Variants in LRRC61 observed in about 807,000 individuals in gnomAD.
LRRC61 encodes the protein leucine-rich repeat-containing protein 61.
A neutral mutation model predicts 15.1 loss-of-function variants in LRRC61; 9 were observed. The ratio of observed to expected loss-of-function variants is 0.60; its 90% confidence interval spans 0.36 to 1.04. The LOEUF is 1.04. Among genes scored for constraint, LRRC61 ranks in the 50% least tolerant of loss-of-function variants. The pLI is 0.01. For missense variants in LRRC61, 344 were observed against 335.6 expected (o/e 1.03, Z -0.20); for synonymous variants, 173 against 158.6 (o/e 1.09, Z -0.68).
chr7:150,324,769 A>G (rs1417320356), intron 1 of LRRC61, among the ~76,000 whole-genome samples: 1 of 151,806 alleles, frequency 6.6e-6, no homozygotes, highest in Non-Finnish European at 1.5e-5. Flanking sequence ...TTCCCAGGTC[A>G]CCTTCTCTCT....
intron 2 of LRRC61, among the ~76,000 whole-genome samples, chr7:150,329,621 G>A (rs1327384497): frequency 6.6e-6 from 1 of 152,226 alleles, no homozygotes; most frequent in East Asian, 1.9e-4. Flanking sequence ...CCCTCAGAAG[G>A]TAGTGGCTGT....
intron 2 of LRRC61, chr7:150,332,033 C>T (rs1217786730): frequency 1.2e-5 from 2 of 167,086 alleles, no homozygotes; most frequent in African/African-American, 4.8e-5. Context: ...GGGTTTCTTC[C>T]TCCAGTGACA....
At position 150,323,414 on chromosome 7, in the gene LRRC61, G is replaced by A; in HGVS notation, c.-461G>A. On this transcript the variant is annotated 5_prime_UTR_variant, in exon 1 of 3. Coordinates refer to ENST00000359623, the MANE Select transcript of LRRC61 (RefSeq NM_001142928.2). ...GGCCAACAAGTTGGGTGGTGGGCACGCGGCCCAGGGGTCAGGGGCCGCCAG... is the reference window on the plus strand; with the variant it reads ...GGCCAACAAGTTGGGTGGTGGGCACACGGCCCAGGGGTCAGGGGCCGCCAG... 3.3e-6 allele frequency: 1 copy of A among 306,602 alleles called. No homozygotes were observed. Among genetic ancestry groups the A allele is most frequent in the Non-Finnish European group, 6.2e-6 (1 of 160,162 alleles). The allele number at this position is 306,602 out of a possible 1,614,324, so 19.0% of individuals were successfully genotyped here. A position where few individuals can be genotyped will look rare whatever the true frequency, so the allele number is the denominator to read the frequency against.
At chr7:150,313,934 G>A in the LRRC61 span, among the ~76,000 whole-genome samples, 1 of 152,234 alleles carries the variant, frequency 6.6e-6, no homozygotes. Flanking sequence ...CTGTGAAGAA[G>A]ATGCACCTGG....
At chr7:150,336,593 G>T (rs928376444) in intron 2 of LRRC61, 125 bp from the exon 3 acceptor site, 12 of 532,798 alleles carry the variant, frequency 2.3e-5, no homozygotes, top group Non-Finnish European at 3.7e-5. Flanking sequence ...GTCCCAGCTT[G>T]GTCTTCAGGT....
the LRRC61 span, among the ~76,000 whole-genome samples, chr7:150,315,200 G>A: frequency 7.3e-5 from 11 of 150,454 alleles, no homozygotes; most frequent in African/African-American, 2.7e-4. Context: ...TCTCTAAAAG[G>A]ACACAAAAAG....
At chr7:150,309,745 C>T in the LRRC61 span, among the ~76,000 whole-genome samples, 2 of 152,202 alleles carry the variant, frequency 1.3e-5, no homozygotes, top group Non-Finnish European at 2.9e-5. Context: ...ATATCACAGC[C>T]ACTTCTAGGG....
chr7:150,316,148 G>C, the LRRC61 span, among the ~76,000 whole-genome samples: 1 of 152,190 alleles, frequency 6.6e-6, no homozygotes, highest in Admixed American at 6.5e-5. Context: ...AGTGAGCCGA[G>C]ATCACGCCAT....
At chr7:150,313,372 G>A in the LRRC61 span, among the ~76,000 whole-genome samples, 5 of 152,284 alleles carry the variant, frequency 3.3e-5, no homozygotes, top group East Asian at 1.9e-4. Context: ...ATTGGCAATC[G>A]GTTGAAAGGG....
At position 150,330,427 on chromosome 7, in the gene LRRC61, C is replaced by G. The variant is rs143518005; in HGVS notation, c.-145+4417C>G. 1.3e-6 allele frequency: 1 copy of G among 773,498 alleles called. No individual in the cohort carries two copies. The allele number at this position is 773,498 out of a possible 1,614,324, so 47.9% of individuals were successfully genotyped here. On this transcript the variant is annotated intron_variant, in intron 2 of 2. Transcript: ENST00000359623. The surrounding 1 kb of genome is among the most constrained non-coding windows in gnomAD (Gnocchi z 4.6). Reference sequence around the variant, plus strand: ...CAGATGGTGGTCCGCGAGGCGAGTGCGGCACAGGCCTCTCTGAGCCAGGTG... The same window carrying G: ...CAGATGGTGGTCCGCGAGGCGAGTGGGGCACAGGCCTCTCTGAGCCAGGTG...
upstream of LRRC61, among the ~76,000 whole-genome samples, chr7:150,319,599 G>A (rs1247898721): frequency 1.3e-5 from 2 of 152,228 alleles, no homozygotes; most frequent in Non-Finnish European, 2.9e-5. Context: ...GCAAATTCAG[G>A]TGCCTTTGAC....
rs1232224486 is a variant in LRRC61, at chr7:150,337,338, C to G, written c.477C>G (p.Val159=). The change falls in exon 3 of 3, where the codon GTC becomes GTG. Residue 159 remains valine, a synonymous_variant. Transcript: ENST00000359623. The part of the protein sequence containing the change: ...AVRELLPGLK[V]IDGERVIGRG... ...GGGAGCTGCTGCCTGGCCTGAAAGT[C>G]ATCGACGGTGAGCGTGTGATTGGGC... is the stretch of plus-strand genomic sequence containing the variant. The G allele has an allele frequency of 6.2e-7, 1 of 1,604,186 alleles. No homozygotes were observed. The highest frequency in any genetic ancestry group is 8.5e-7 in the Non-Finnish European group (1 of 1,179,940).
upstream of LRRC61, among the ~76,000 whole-genome samples, chr7:150,318,756 G>GCAA (rs1176899705): frequency 6.6e-6 from 1 of 152,056 alleles, no homozygotes; most frequent in African/African-American, 2.4e-5. Flanking sequence ...AACAACAATG[G>GCAA]CAACAACAAC....
chr7:150,327,769 A>G (rs910803610), intron 2 of LRRC61, among the ~76,000 whole-genome samples: 8 of 151,704 alleles, frequency 5.3e-5, no homozygotes, highest in Admixed American at 4.6e-4. Flanking sequence ...GCAGTGAGCC[A>G]AGATTGTACC....
At chr7:150,316,463 C>T in the LRRC61 span, among the ~76,000 whole-genome samples, 2 of 147,944 alleles carry the variant, frequency 1.4e-5, no homozygotes, top group Admixed American at 6.7e-5. Flanking sequence ...ATTTTTCCAT[C>T]TGAACTTTAG....
At chr7:150,334,027 G>A (rs1033174131) in intron 2 of LRRC61, 1 of 985,250 alleles carries the variant, frequency 1.0e-6, no homozygotes, top group African/African-American at 1.7e-5. Flanking sequence ...CAACAGGGAA[G>A]GGCCGATTTC....
chr7:150,327,315 C>T (rs1797983611), intron 2 of LRRC61, among the ~76,000 whole-genome samples: 2 of 152,128 alleles, frequency 1.3e-5, no homozygotes, highest in African/African-American at 4.8e-5. Context: ...AATAGATGCA[C>T]CCCAGAGATG....
chr7:150,334,755 C>T (rs1419707990), intron 2 of LRRC61, among the ~76,000 whole-genome samples: 6 of 152,214 alleles, frequency 3.9e-5, no homozygotes, highest in Non-Finnish European at 5.9e-5. Flanking sequence ...TGGTGGCTCA[C>T]GCCTGTAATC....
the LRRC61 span, among the ~76,000 whole-genome samples, chr7:150,315,687 T>A: frequency 3.3e-5 from 5 of 152,140 alleles, no homozygotes; most frequent in African/African-American, 4.8e-5. Flanking sequence ...CCTCCCTGGG[T>A]CATTGTTACA....
Sources: gnomAD v4.1 joint callset for allele counts (sites outside exome capture counted in the v4.1 genomes callset) on GRCh38, gnomAD v4.1.1 for gene constraint, Gnocchi (gnomAD v3.1) non-coding constraint, MANE v1.5 for transcripts, NCBI Gene and HGNC (gene_info 2026-07-23, HGNC 2026-07-21) for gene names.